The following PRDM6 variants were observed in gnomAD, a reference collection of about 807,000 sequenced individuals.
The protein encoded by PRDM6 is putative histone-lysine N-methyltransferase PRDM6.
A neutral mutation model predicts 60.8 loss-of-function variants in PRDM6; 25 were observed. The observed-to-expected ratio is 0.41, with a 90% CI of 0.30 to 0.57. The LOEUF is 0.57. Ranked by LOEUF, PRDM6 falls within the 20% of genes least tolerant of loss-of-function variation. The probability of loss-of-function intolerance (pLI) is 0.27; values close to 1 mark genes in which losing one functional copy is unlikely to be tolerated. For synonymous variants in PRDM6, 407 were observed against 357.4 expected (o/e 1.14, Z -1.57); for missense variants, 839 against 821.3 (o/e 1.02, Z -0.26).
At chr5:123,159,165 TG>T (rs1439888879) in intron 4 of PRDM6, among the ~76,000 whole-genome samples, 4 of 152,194 alleles carry the variant, frequency 2.6e-5, no homozygotes, top group Non-Finnish European at 5.9e-5. Flanking sequence ...TATATGAGGT[TG>T]GGGCACCAGT....
intron 3 of PRDM6, among the ~76,000 whole-genome samples, chr5:123,154,273 A>G (rs1301442843): frequency 6.6e-6 from 1 of 152,170 alleles, no homozygotes; most frequent in Non-Finnish European, 1.5e-5. Flanking sequence ...CAATGTTTCC[A>G]TTTTTTGCCA....
chr5:123,182,144 T>A (rs1173982479), intron 7 of PRDM6, among the ~76,000 whole-genome samples: 2 of 152,218 alleles, frequency 1.3e-5, no homozygotes, highest in African/African-American at 2.4e-5. Flanking sequence ...CATCTTTTTC[T>A]AATCCACCCT....
At chr5:123,118,720 G>GGACAA (rs1338650763) in intron 3 of PRDM6, among the ~76,000 whole-genome samples, 5 of 152,184 alleles carry the variant, frequency 3.3e-5, no homozygotes, top group African/African-American at 4.8e-5. Flanking sequence ...CTAAGTAGAA[G>GGACAA]GACAAGAAGT....
At chr5:123,093,462 C>T (rs189735949) in intron 2 of PRDM6, among the ~76,000 whole-genome samples, 31 of 152,304 alleles carry the variant, frequency 2.0e-4, no homozygotes, top group Non-Finnish European at 3.5e-4. Flanking sequence ...GATTTTAAAA[C>T]AGCAGAAACT....
At chr5:123,140,968 T>G (rs947639264) in intron 3 of PRDM6, among the ~76,000 whole-genome samples, 7 of 152,048 alleles carry the variant, frequency 4.6e-5, no homozygotes, top group African/African-American at 1.7e-4. Context: ...AAGTTAAAAT[T>G]TTTTTTATAA....
chr5:123,156,132 AT>A (rs35231752), intron 4 of PRDM6, 121 bp downstream of exon 4: 85,238 of 705,708 alleles, frequency 0.12, 2 homozygotes, highest in East Asian at 0.18. Flanking sequence ...ACTGGCAGAC[AT>A]TTTTTTTTTT....
At chr5:123,130,843 A>G (rs1244569194) in intron 3 of PRDM6, among the ~76,000 whole-genome samples, 2 of 152,246 alleles carry the variant, frequency 1.3e-5, no homozygotes, top group African/African-American at 2.4e-5. Flanking sequence ...CTGGGATTAC[A>G]GGCGTGAGCC....
intron 3 of PRDM6, among the ~76,000 whole-genome samples, chr5:123,125,912 A>G (rs1236907049): frequency 6.6e-6 from 1 of 151,928 alleles, no homozygotes; most frequent in Non-Finnish European, 1.5e-5. Context: ...GGAGAACAAC[A>G]TATGTAAGCT....
intron 3 of PRDM6, among the ~76,000 whole-genome samples, chr5:123,154,544 C>G (rs74449989): frequency 6.6e-6 from 1 of 151,854 alleles, no homozygotes; most frequent in Non-Finnish European, 1.5e-5. Flanking sequence ...TAAAAAAAAA[C>G]TCAGCTGTTT....
At chr5:123,101,090 A>G (rs953087211) in intron 3 of PRDM6, among the ~76,000 whole-genome samples, 1 of 152,222 alleles carries the variant, frequency 6.6e-6, no homozygotes, top group Non-Finnish European at 1.5e-5. Context: ...GCCTGTCAAA[A>G]TGATCTTTTT....
intron 3 of PRDM6, among the ~76,000 whole-genome samples, chr5:123,111,437 G>T (rs1764308975): frequency 6.6e-6 from 1 of 152,180 alleles, no homozygotes; most frequent in Non-Finnish European, 1.5e-5. Context: ...GGTGGCTCAC[G>T]TCTGTAATCC....
At chr5:123,126,705 G>A (rs185802891) in intron 3 of PRDM6, among the ~76,000 whole-genome samples, 405 of 152,250 alleles carry the variant, frequency 2.7e-3, no homozygotes, top group African/African-American at 9.4e-3. Flanking sequence ...TTAGAATGTA[G>A]GAAATAGGAT....
At chr5:123,156,337 C>G (rs553705738) in intron 4 of PRDM6, among the ~76,000 whole-genome samples, 2 of 152,150 alleles carry the variant, frequency 1.3e-5, no homozygotes. Context: ...CCCAAGCAGT[C>G]GTCTTCACAC....
At chr5:123,157,624 T>C (rs1765532175) in intron 4 of PRDM6, among the ~76,000 whole-genome samples, 1 of 152,174 alleles carries the variant, frequency 6.6e-6, no homozygotes, top group African/African-American at 2.4e-5. Context: ...AAGCCCAATT[T>C]TAAAAACTGG....
chr5:123,131,968 A>G (rs1343846242), intron 3 of PRDM6, among the ~76,000 whole-genome samples: 1 of 152,216 alleles, frequency 6.6e-6, no homozygotes, highest in Non-Finnish European at 1.5e-5. Context: ...AAATGGAAAT[A>G]GTAATAGTAT....
chr5:123,112,065 G>A (rs1043501019), intron 3 of PRDM6, among the ~76,000 whole-genome samples: 1 of 152,164 alleles, frequency 6.6e-6, no homozygotes, highest in Admixed American at 6.5e-5. Context: ...TCAGAACTCC[G>A]CCTGGCTAAG....
chr5:123,100,331 G>A (rs1465108914), intron 3 of PRDM6, among the ~76,000 whole-genome samples: 1 of 152,192 alleles, frequency 6.6e-6, no homozygotes, highest in Non-Finnish European at 1.5e-5. Flanking sequence ...GCGGAGGGTG[G>A]GCATTAGAAT....
At chr5:123,095,054 G>A (rs1763926789) in intron 2 of PRDM6, among the ~76,000 whole-genome samples, 1 of 152,226 alleles carries the variant, frequency 6.6e-6, no homozygotes, top group Non-Finnish European at 1.5e-5. Flanking sequence ...GAATTCCCAG[G>A]AGCTGGGCCG....
chr5:123,170,698 G>A, intron 5 of PRDM6, 68 bp from the exon 6 acceptor site: 2 of 1,071,836 alleles, frequency 1.9e-6, no homozygotes, highest in Non-Finnish European at 2.7e-6. Flanking sequence ...TTTTTTAAAA[G>A]TATGTGTTAT....
Sources: allele counts gnomAD v4.1 joint callset (sites outside exome capture counted in the v4.1 genomes callset), GRCh38; gene constraint gnomAD v4.1.1; transcripts MANE v1.5; gene names NCBI Gene and HGNC (gene_info 2026-07-23, HGNC 2026-07-21).